TDRP: variants seen among roughly 807,000 people sequenced by gnomAD.
TDRP encodes the protein testis development-related protein.
Under a neutral mutation model 10.5 loss-of-function variants are expected in TDRP, and 12 were observed. The ratio of observed to expected loss-of-function variants is 1.15; its 90% CI spans 0.73 to 1.86. The LOEUF (loss-of-function observed/expected upper bound fraction) is 1.86, where lower values mean the gene tolerates loss of function less well. Among genes scored for constraint, TDRP ranks in the 40% most tolerant of loss-of-function variants. TDRP has a pLI of 0.00. For missense variants in TDRP, 353 were observed against 229.2 expected (o/e 1.54, Z -3.49); for synonymous variants, 139 against 95.4 (o/e 1.46, Z -2.67).
At chr8:534,889 C>A (rs1802304219) in intron 1 of TDRP, among the ~76,000 whole-genome samples, 1 of 152,138 alleles carries the variant, frequency 6.6e-6, no homozygotes, top group South Asian at 2.1e-4. Context: ...ACTCCAATGC[C>A]CAGCACATGG....
chr8:513,770 T>C (rs79622297), intron 1 of TDRP, among the ~76,000 whole-genome samples: 16 of 152,274 alleles, frequency 1.1e-4, no homozygotes, highest in Admixed American at 7.2e-4. Flanking sequence ...TAAAAACCTA[T>C]GTTAGAACTA....
chr8:526,714 G>A (rs374947861), intron 1 of TDRP, among the ~76,000 whole-genome samples: 167 of 152,254 alleles, frequency 1.1e-3, no homozygotes, highest in African/African-American at 3.3e-3. Context: ...TAGCCTTGTA[G>A]AATAGCTTTG....
intron 1 of TDRP, among the ~76,000 whole-genome samples, chr8:495,943 T>C (rs1585133180): frequency 6.6e-6 from 1 of 152,234 alleles, no homozygotes; most frequent in Non-Finnish European, 1.5e-5. Context: ...ACTCCCTGTC[T>C]GGGCAGAGGT....
intron 1 of TDRP, among the ~76,000 whole-genome samples, chr8:497,794 G>C (rs1029804977): frequency 1.3e-5 from 2 of 152,188 alleles, no homozygotes; most frequent in African/African-American, 4.8e-5. Flanking sequence ...GCCAGGCCCA[G>C]GGTCCTGCTT....
intron 1 of TDRP, among the ~76,000 whole-genome samples, chr8:537,632 G>C: frequency 6.6e-6 from 1 of 152,290 alleles, no homozygotes. Context: ...CATTGGTCTT[G>C]TAAACAAGTA....
intron 1 of TDRP, among the ~76,000 whole-genome samples, chr8:524,849 T>C (rs1169656914): frequency 6.6e-6 from 1 of 152,156 alleles, no homozygotes; most frequent in Admixed American, 6.5e-5. Context: ...TAGGAGTTAT[T>C]GGCCTTAAAC....
intron 1 of TDRP, among the ~76,000 whole-genome samples, chr8:503,658 C>T (rs1047979080): frequency 1.3e-5 from 2 of 150,820 alleles, no homozygotes; most frequent in Admixed American, 1.3e-4. Context: ...AACCAATGCC[C>T]ACCTCAACAC....
chr8:495,235 A>G (rs1801092657), intron 1 of TDRP, among the ~76,000 whole-genome samples: 1 of 152,152 alleles, frequency 6.6e-6, no homozygotes, highest in South Asian at 2.1e-4. Flanking sequence ...CCCCATCTCA[A>G]AAAACAAACA....
chr8:521,942 T>A (rs139439715), intron 1 of TDRP, among the ~76,000 whole-genome samples: 249 of 152,264 alleles, frequency 1.6e-3, no homozygotes, highest in South Asian at 0.015. Flanking sequence ...CCTTCATTAT[T>A]TCTAAGTACC....
At chr8:497,642 G>A (rs1181663293) in intron 1 of TDRP, among the ~76,000 whole-genome samples, 2 of 152,208 alleles carry the variant, frequency 1.3e-5, no homozygotes, top group Non-Finnish European at 2.9e-5. Context: ...GCTGCCAGCT[G>A]CAAAAATTTG....
intron 1 of TDRP, among the ~76,000 whole-genome samples, chr8:537,719 A>T (rs1013158790): frequency 1.3e-5 from 2 of 152,152 alleles, no homozygotes; most frequent in Non-Finnish European, 2.9e-5. Context: ...TCTCACAACT[A>T]CCTGAAACAA....
intron 1 of TDRP, among the ~76,000 whole-genome samples, chr8:526,111 C>G (rs187668373): frequency 6.6e-6 from 1 of 152,114 alleles, no homozygotes; most frequent in African/African-American, 2.4e-5. Context: ...TAGTGAGTAG[C>G]CTTTAGTGAG....
At position 533,767 on chromosome 8, in the gene TDRP, G is replaced by A. The variant is rs538137181; in HGVS notation, c.108+10883C>T. Among the ~76,000 whole-genome samples the A allele has an allele frequency of 1.5e-4, 23 of 151,892 alleles. No homozygotes were observed. The South Asian group carries it at 3.7e-3, about 25-fold the overall frequency. On this transcript the variant is annotated intron_variant, in intron 1 of 2. Coordinates refer to ENST00000324079, the MANE Select transcript of TDRP (RefSeq NM_001384899.1). ...TTTTCTATCCCCCTCCCCCGATCAC[G>A]AAGAAAAAAGGGAAGTATATAAAGT...
chr8:495,029 C>T (rs1801087139), intron 1 of TDRP: 1 of 155,782 alleles, frequency 6.4e-6, no homozygotes, highest in African/African-American at 2.4e-5. Flanking sequence ...CCCAGGAGTT[C>T]AACACCAGCC....
At chr8:502,199 T>A (rs1801323219) in intron 1 of TDRP, among the ~76,000 whole-genome samples, 1 of 152,248 alleles carries the variant, frequency 6.6e-6, no homozygotes, top group South Asian at 2.1e-4. Context: ...TCTTCTTTCA[T>A]CCCTTCTAAA....
chr8:501,574 T>C (rs1182084869), intron 1 of TDRP, among the ~76,000 whole-genome samples: 1 of 152,158 alleles, frequency 6.6e-6, no homozygotes, highest in Non-Finnish European at 1.5e-5. Context: ...CTCGAACTCC[T>C]GCCCTCAAGC....
intron 1 of TDRP, among the ~76,000 whole-genome samples, chr8:517,823 C>G (rs1316607241): frequency 6.6e-6 from 1 of 152,166 alleles, no homozygotes; most frequent in African/African-American, 2.4e-5. Flanking sequence ...TTTCTGCCAA[C>G]AAATACATCT....
chr8:520,094 C>A (rs556430253), intron 1 of TDRP, among the ~76,000 whole-genome samples: 2 of 152,276 alleles, frequency 1.3e-5, no homozygotes, highest in Non-Finnish European at 2.9e-5. Flanking sequence ...AAAGTTATAT[C>A]CTGTGGTTGG....
Position 498,700 on chromosome 8 carries a change from G to A in TDRP, c.109-4103C>T, listed in dbSNP as rs191845785. The stretch of plus-strand genomic sequence containing the variant: ...ACATTACATTTGGGAGGGGCCAGGA[G>A]CAGAATGATGTGGTTTGTCTCTGTG... On this transcript the variant is annotated intron_variant, in intron 1 of 2. Transcript: ENST00000324079. Among the ~76,000 whole-genome samples the A allele has an allele frequency of 2.6e-3, 396 of 152,278 alleles. 1 individual carries two copies. The highest frequency in any genetic ancestry group is 4.5e-3 in the Non-Finnish European group (306 of 68,022).
Sources: allele counts gnomAD v4.1 joint callset (sites outside exome capture counted in the v4.1 genomes callset), GRCh38; gene constraint gnomAD v4.1.1; transcripts MANE v1.5; gene names NCBI Gene and HGNC (gene_info 2026-07-23, HGNC 2026-07-21).